The following MYO15A variants were observed in gnomAD, a reference collection of about 807,000 sequenced individuals.
The protein encoded by MYO15A is myosin XVA, also known as unconventional myosin-XV.
A neutral mutation model predicts 394.6 loss-of-function variants in MYO15A; 308 were observed. That is an observed-to-expected ratio of 0.78 (90% confidence interval 0.71 to 0.86). The LOEUF (loss-of-function observed/expected upper bound fraction) is 0.86. Ranked by LOEUF, MYO15A falls within the 40% of genes least tolerant of loss-of-function variation. The pLI, the probability that MYO15A is intolerant of heterozygous loss-of-function variation, is 0.00. For synonymous variants in MYO15A, 1,957 were observed against 2,003.8 expected (o/e 0.98, Z 0.62); for missense variants, 4,606 against 4,799.1 (o/e 0.96, Z 1.19).
intron 59 of MYO15A, 76 bp downstream of exon 59, chr17:18,163,397 G>GC: frequency 2.7e-6 from 4 of 1,455,572 alleles, no homozygotes; most frequent in Non-Finnish European, 3.8e-6. Flanking sequence ...CAGGATGGGG[G>GC]TGGAGTAAGC....
chr17:18,146,093 C>A lies in MYO15A; in HGVS notation c.6495C>A (p.Asn2165Lys). 2 of 1,613,910 alleles carry A rather than the reference C, an allele frequency of 1.2e-6. No individual in the cohort carries two copies. The change falls in exon 30 of 66, where the codon AAC becomes AAA. Residue 2165 changes from asparagine to lysine, a missense_variant. Asn to Lys is a moderately conservative substitution (Grantham distance 94). This residue lies in a region of MYO15A where 2,776 missense variants were observed against 3,109.3 expected (regional missense o/e 0.89). Transcript: ENST00000647165. The part of the protein sequence containing the change: ...LSGFAPSPCF[N>K]KYLLKFVSDY... ...GCTTTGCACCTTCCCCGTGCTTCAA[C>A]AAGTACCTTCTCAAGTGAGTGGGAC...
chr17:18,127,832 A>AATAT (rs1240956412), intron 7 of MYO15A, among the ~76,000 whole-genome samples: 3 of 40,564 alleles, frequency 7.4e-5, no homozygotes, highest in Non-Finnish European at 1.1e-4. Flanking sequence ...AAGAAAAAAA[A>AATAT]AGATATATAT....
Position 18,124,573 on chromosome 17 carries a change from G to T in MYO15A, c.3692+8G>T. ...GGACATGACACAGCTGGAGTGAGTG[G>T]GCAGGGCCGGCGGGGTCAGCAAGGG... On this transcript the variant is annotated splice_region_variant and intron_variant, in intron 3 of 65. Transcript: ENST00000647165. The T allele has an allele frequency of 6.2e-7, 1 of 1,612,704 alleles. No homozygotes were observed.
intron 64 of MYO15A, chr17:18,172,802 C>G (rs1269374239): frequency 2.4e-5 from 5 of 209,904 alleles, no homozygotes; most frequent in Admixed American, 1.1e-4. Flanking sequence ...TAGGGCCCAT[C>G]CTAACAGCTT....
At chr17:18,156,405 A>G (rs185993032) in intron 48 of MYO15A, 69 bp downstream of exon 48, 11 of 1,532,804 alleles carry the variant, frequency 7.2e-6, no homozygotes, top group Middle Eastern at 1.7e-4. Flanking sequence ...TCCCTGTTCC[A>G]GGGAAATATG....
In MYO15A at chr17:18,138,263, G is replaced by A; in HGVS notation, c.5007+17G>A. The A allele has an allele frequency of 6.2e-7, 1 of 1,610,522 alleles. No individual in the cohort carries two copies. The highest frequency in any genetic ancestry group is 8.5e-7 in the Non-Finnish European group (1 of 1,179,856). ...TTTCCCCAGGTGAGCCGCAGGCACT[G>A]TGTGAGCCTAGTCAGGTCACAGATC... is the stretch of plus-strand genomic sequence containing the variant. On this transcript the variant is annotated intron_variant, in intron 17 of 65. Transcript: ENST00000647165.
chr17:18,172,128 C>T (rs372048861), intron 63 of MYO15A, 29 bp from the exon 64 acceptor site: 61 of 1,613,768 alleles, frequency 3.8e-5, no homozygotes, highest in African/African-American at 5.3e-5. Context: ...CTGCCCAGCA[C>T]GTAACTGCCA....
chr17:18,172,768 AT>A (rs1448493788), intron 64 of MYO15A: 16 of 273,044 alleles, frequency 5.9e-5, no homozygotes, highest in Non-Finnish European at 1.1e-4. Flanking sequence ...ATTTCCTCTT[AT>A]AAGGACATCT....
Position 18,148,318 on chromosome 17 carries a change from T to C in MYO15A, c.6691+108T>C, listed in dbSNP as rs926113784. On this transcript the variant is annotated intron_variant, in intron 31 of 65. Transcript: ENST00000647165. This position sits in a 1 kb window ranked among gnomAD's most constrained non-coding sequence, Gnocchi z 4.8. Reference sequence around the variant, plus strand: ...ATGTTCTGGAGCTGGGGAGGGGCCTTCTCAGATGTGGCTCTGCGTGAAAGT... The same window carrying C: ...ATGTTCTGGAGCTGGGGAGGGGCCTCCTCAGATGTGGCTCTGCGTGAAAGT... 64 of 1,511,838 alleles carry C rather than the reference T, an allele frequency of 4.2e-5. No individual in the cohort carries two copies. Among genetic ancestry groups the C allele is most frequent in the Middle Eastern group, 2.0e-4 (1 of 4,928 alleles). The allele number at this position is 1,511,838 out of a possible 1,614,324, so 93.7% of individuals were successfully genotyped here. A position where few individuals can be genotyped will look rare whatever the true frequency, so the allele number is the denominator to read the frequency against.
At chr17:18,142,423 T>C (rs1210817604) in intron 24 of MYO15A, among the ~76,000 whole-genome samples, 169 bp downstream of exon 24, 1 of 152,212 alleles carries the variant, frequency 6.6e-6, no homozygotes, top group Non-Finnish European at 1.5e-5. Flanking sequence ...TTGAATGCCC[T>C]TCCCAGCCAA....
At chr17:18,111,760 C>T (rs2045724723) in intron 1 of MYO15A, among the ~76,000 whole-genome samples, 1 of 152,240 alleles carries the variant, frequency 6.6e-6, no homozygotes, top group African/African-American at 2.4e-5. Context: ...CGTTGGCAGT[C>T]ATAACAACAG....
rs1179589063 is a variant in MYO15A at position 18,118,672 on chromosome 17, T to A, written c.-129T>A. ...CCCTCCCCACGCCACCCAGGGCCAG[T>A]CGGGTCTGCTCACAGCCCGAGGAGG... On this transcript the variant is annotated 5_prime_UTR_variant, in exon 2 of 66. Transcript: ENST00000647165. The A allele has an allele frequency of 6.9e-7, 1 of 1,444,398 alleles. No individual in the cohort carries two copies. The highest frequency in any genetic ancestry group is 9.4e-7 in the Non-Finnish European group (1 of 1,065,024). 89.5% of individuals were successfully genotyped at this position (1,444,398 alleles called of 1,614,324 possible).
intron 12 of MYO15A, among the ~76,000 whole-genome samples, chr17:18,134,093 G>T (rs1402731291): frequency 6.6e-6 from 1 of 152,034 alleles, no homozygotes; most frequent in African/African-American, 2.4e-5. Context: ...AGGTTCAAGC[G>T]ATTCCCCTGC....
chr17:18,129,953 C>T (rs1174699222), intron 7 of MYO15A, among the ~76,000 whole-genome samples: 1 of 152,180 alleles, frequency 6.6e-6, no homozygotes, highest in Non-Finnish European at 1.5e-5. Context: ...CATCTTGGCT[C>T]ACTGCAATGT....
chr17:18,169,970 C>CAA (rs202026399), intron 62 of MYO15A, among the ~76,000 whole-genome samples: 1,552 of 59,686 alleles, frequency 0.026, 185 homozygotes, highest in African/African-American at 0.11. Flanking sequence ...GACCCTGTCT[C>CAA]AAAAAAAAAA....
chr17:18,122,563 C>T, intron 2 of MYO15A, 154 bp downstream of exon 2: 1 of 1,154,160 alleles, frequency 8.7e-7, no homozygotes, highest in South Asian at 1.6e-5. Flanking sequence ...ACAGCCTGGA[C>T]CTCCCAGAAC....
intron 46 of MYO15A, 38 bp downstream of exon 46, chr17:18,155,263 A>T: frequency 6.2e-7 from 1 of 1,613,618 alleles, no homozygotes; most frequent in Non-Finnish European, 8.5e-7. Flanking sequence ...TGTCCAGAGG[A>T]TTCAGGGATG....
chr17:18,159,199 C>T, intron 53 of MYO15A, 76 bp from the exon 54 acceptor site: 6 of 1,549,720 alleles, frequency 3.9e-6, no homozygotes, highest in African/African-American at 1.4e-5. Context: ...TATCATATGG[C>T]CTTGGAACAC....
chr17:18,114,862 TG>T (rs1292895929), intron 1 of MYO15A, among the ~76,000 whole-genome samples: 1 of 152,106 alleles, frequency 6.6e-6, no homozygotes, highest in Non-Finnish European at 1.5e-5. Flanking sequence ...GCTCATTCCG[TG>T]GCCTCTCTTC....
Sources: allele counts gnomAD v4.1 joint callset (sites outside exome capture counted in the v4.1 genomes callset), GRCh38; gene constraint gnomAD v4.1.1; regional missense constraint gnomAD v4.1.1; non-coding constraint Gnocchi (gnomAD v3.1); transcripts MANE v1.5; gene names NCBI Gene and HGNC (gene_info 2026-07-23, HGNC 2026-07-21).